The following PRELID2 variants were observed in gnomAD, a reference collection of about 807,000 sequenced individuals.
PRELID2 encodes the protein PRELI domain containing 2, also known as PRELI domain-containing protein 2.
Under a neutral mutation model 28.4 loss-of-function variants are expected in PRELID2, and 25 were observed. The observed-to-expected ratio is 0.88, with a 90% CI of 0.64 to 1.23. PRELID2 has a LOEUF of 1.23. PRELID2 is among the 50% of genes most tolerant of loss of function. PRELID2 has a pLI of 0.00. For missense variants in PRELID2, 201 were observed against 214.4 expected, an observed-to-expected ratio of 0.94 and a Z score of 0.39; for synonymous variants, 76 against 71.6, an observed-to-expected ratio of 1.06 and a Z score of -0.31.
chr5:145,414,495 T>C, the PRELID2 span, among the ~76,000 whole-genome samples: 488 of 152,332 alleles, frequency 3.2e-3, 4 homozygotes, highest in African/African-American at 0.011. Context: ...GCTATTATTA[T>C]TCTCAGTCTG....
chr5:145,505,912 A>G (rs1752406824), intron 1 of PRELID2, among the ~76,000 whole-genome samples: 1 of 152,316 alleles, frequency 6.6e-6, no homozygotes, highest in Middle Eastern at 3.4e-3. Flanking sequence ...CAAATACTGT[A>G]TGATTCCACT....
the PRELID2 span, among the ~76,000 whole-genome samples, chr5:145,251,622 G>C: frequency 6.6e-6 from 1 of 152,100 alleles, no homozygotes; most frequent in Non-Finnish European, 1.5e-5. Flanking sequence ...ACTCCCCATA[G>C]TCTTTTGTAG....
chr5:145,367,551 C>A, the PRELID2 span, among the ~76,000 whole-genome samples: 218 of 151,974 alleles, frequency 1.4e-3, 1 homozygote, highest in African/African-American at 5.1e-3. Context: ...ATGTAGCCAC[C>A]ATTATAGTAT....
intron 1 of PRELID2, among the ~76,000 whole-genome samples, chr5:145,578,056 G>A (rs1396279799): frequency 2.0e-5 from 3 of 152,098 alleles, no homozygotes; most frequent in African/African-American, 7.2e-5. Context: ...ACATTCTGCA[G>A]TTTCAACTTT....
At chr5:145,646,418 T>C (rs1416332678) in intron 1 of PRELID2, among the ~76,000 whole-genome samples, 11 of 152,220 alleles carry the variant, frequency 7.2e-5, no homozygotes. Flanking sequence ...CTGGTTATTC[T>C]GGTTAGCAAT....
At chr5:145,407,250 T>C in the PRELID2 span, among the ~76,000 whole-genome samples, 184 of 152,268 alleles carry the variant, frequency 1.2e-3, 1 homozygote, top group African/African-American at 4.1e-3. Context: ...GCTCTCTGGA[T>C]ATAAACTTGG....
At chr5:145,664,057 A>C (rs1326314704) in intron 1 of PRELID2, among the ~76,000 whole-genome samples, 1 of 152,128 alleles carries the variant, frequency 6.6e-6, no homozygotes, top group Non-Finnish European at 1.5e-5. Flanking sequence ...AAGCTGAGTA[A>C]GTTACTTCTG....
the PRELID2 span, among the ~76,000 whole-genome samples, chr5:145,366,150 G>A: frequency 4.0e-4 from 61 of 152,008 alleles, no homozygotes; most frequent in African/African-American, 1.4e-3. Flanking sequence ...AAGCCATAGA[G>A]GACACATGTT....
chr5:145,495,782 G>A (rs185912102), intron 1 of PRELID2, among the ~76,000 whole-genome samples: 94 of 152,276 alleles, frequency 6.2e-4, no homozygotes, highest in African/African-American at 2.2e-3. Context: ...AGACTTTGCT[G>A]GGATGGTAGG....
chr5:145,387,013 A>G, the PRELID2 span, among the ~76,000 whole-genome samples: 1 of 152,196 alleles, frequency 6.6e-6, no homozygotes, highest in Non-Finnish European at 1.5e-5. Context: ...TCAGTGACAT[A>G]GCTTTATTAT....
At chr5:145,756,071 TG>T (rs1480960232), downstream of PRELID2, among the ~76,000 whole-genome samples, 1 of 152,254 alleles carries the variant, frequency 6.6e-6, no homozygotes, top group African/African-American at 2.4e-5. Flanking sequence ...TTGTCCATGT[TG>T]GGCTTCATTA....
chr5:145,268,498 C>G, the PRELID2 span, among the ~76,000 whole-genome samples: 1 of 152,104 alleles, frequency 6.6e-6, no homozygotes, highest in Non-Finnish European at 1.5e-5. Context: ...CTCCCCACTC[C>G]TCCTCTGAAC....
intron 1 of PRELID2, among the ~76,000 whole-genome samples, chr5:145,665,681 T>A (rs1403075742): frequency 6.6e-6 from 1 of 152,066 alleles, no homozygotes; most frequent in East Asian, 1.9e-4. Flanking sequence ...CTCCCCACCA[T>A]AACACTATGT....
chr5:145,444,637 C>CT, the PRELID2 span, among the ~76,000 whole-genome samples: 1 of 152,048 alleles, frequency 6.6e-6, no homozygotes, highest in Admixed American at 6.6e-5. Flanking sequence ...AGCCCCCTCC[C>CT]TTTTTTTGAC....
chr5:145,637,162 T>A (rs1468026707), intron 1 of PRELID2, among the ~76,000 whole-genome samples: 2 of 152,148 alleles, frequency 1.3e-5, no homozygotes, highest in African/African-American at 4.8e-5. Context: ...GTTCTAAAGG[T>A]CTTCAGGTAT....
In PRELID2 at chr5:145,748,277, C is replaced by T. The variant is rs910735138; in HGVS notation, n.70+16654G>A. On this transcript the variant is annotated intron_variant and non_coding_transcript_variant, in intron 1 of 2. Transcript: ENST00000510259. ...GCGAACCCTTCATCTCAGCCCAAAA[C>T]TTCTTAGACTGATAAGCAACTTCAG... Among the ~76,000 whole-genome samples, 5 of 152,064 alleles carry T rather than the reference C, an allele frequency of 3.3e-5. No homozygotes were observed. In the South Asian group the frequency reaches 6.2e-4, roughly 19 times the overall value.
chr5:145,414,455 A>G, the PRELID2 span, among the ~76,000 whole-genome samples: 7 of 152,138 alleles, frequency 4.6e-5, no homozygotes, highest in Non-Finnish European at 7.4e-5. Context: ...ACGTGTAGTT[A>G]CCCTCTTTAC....
At chr5:145,468,319 T>A (rs1264949101), downstream of PRELID2, among the ~76,000 whole-genome samples, 1 of 152,186 alleles carries the variant, frequency 6.6e-6, no homozygotes, top group Non-Finnish European at 1.5e-5. Context: ...TCTGTCATTG[T>A]TGGACATTTG....
chr5:145,284,485 T>C, the PRELID2 span, among the ~76,000 whole-genome samples: 1 of 152,254 alleles, frequency 6.6e-6, no homozygotes, highest in East Asian at 1.9e-4. Flanking sequence ...AGGCAAAAGA[T>C]GATTACAAAC....
Sources: gnomAD v4.1 joint callset for allele counts (sites outside exome capture counted in the v4.1 genomes callset) on GRCh38, gnomAD v4.1.1 for gene constraint, MANE v1.5 for transcripts, NCBI Gene and HGNC (gene_info 2026-07-23, HGNC 2026-07-21) for gene names.